Variants in ASTN2 observed in about 807,000 individuals in gnomAD.
The protein encoded by ASTN2 is astrotactin 2.
In ASTN2, 54 loss-of-function variants were observed where a neutral mutation model predicts 139.8. The ratio of observed to expected loss-of-function variants is 0.39; its 90% CI spans 0.31 to 0.48. The LOEUF is 0.48. Ranked by LOEUF, ASTN2 falls within the 20% of genes least tolerant of loss-of-function variation. The probability of loss-of-function intolerance (pLI) is 0.95; values close to 1 mark genes in which losing one functional copy is unlikely to be tolerated. For missense variants in ASTN2, 1,565 were observed against 1,725.1 expected, an observed-to-expected ratio of 0.91 and a Z score of 1.64; for synonymous variants, 756 against 719.5, an observed-to-expected ratio of 1.05 and a Z score of -0.81.
intron 2 of ASTN2, among the ~76,000 whole-genome samples, chr9:117,252,424 C>T (rs949438852): frequency 6.6e-6 from 1 of 152,260 alleles, no homozygotes; most frequent in African/African-American, 2.4e-5. Flanking sequence ...ACCAGTCCAC[C>T]AGGGGGTCTT....
At chr9:116,544,530 T>C (rs1408975994) in intron 19 of ASTN2, among the ~76,000 whole-genome samples, 1 of 152,196 alleles carries the variant, frequency 6.6e-6, no homozygotes, top group Non-Finnish European at 1.5e-5. Flanking sequence ...GAAAGGATGA[T>C]TTGGGTTCTT....
intron 19 of ASTN2, among the ~76,000 whole-genome samples, chr9:116,600,497 C>A (rs538727220): frequency 2.0e-5 from 3 of 152,142 alleles, no homozygotes; most frequent in Admixed American, 1.3e-4. Flanking sequence ...AAATTCAATT[C>A]TTGACTCCAC....
intron 10 of ASTN2, among the ~76,000 whole-genome samples, chr9:116,957,580 G>A (rs1835748876): frequency 6.6e-6 from 1 of 152,202 alleles, no homozygotes; most frequent in East Asian, 1.9e-4. Context: ...GCTTTTATAA[G>A]CTTGATGTTC....
chr9:116,764,487 A>C (rs1324348748), intron 13 of ASTN2, among the ~76,000 whole-genome samples: 2 of 151,956 alleles, frequency 1.3e-5, no homozygotes, highest in Admixed American at 6.6e-5. Context: ...TACCAAAGCC[A>C]CTCCTTAAAA....
chr9:116,920,294 T>C (rs1311917269), intron 10 of ASTN2, among the ~76,000 whole-genome samples: 1 of 152,182 alleles, frequency 6.6e-6, no homozygotes, highest in Non-Finnish European at 1.5e-5. Flanking sequence ...GGCTTTGCTC[T>C]ACATAGAGGC....
intron 1 of ASTN2, among the ~76,000 whole-genome samples, chr9:117,411,073 A>T (rs981027361): frequency 4.6e-5 from 7 of 152,136 alleles, no homozygotes; most frequent in African/African-American, 1.7e-4. Flanking sequence ...GCAGACCAGG[A>T]TTCCAGTTCC....
At chr9:116,693,647 A>G (rs1860686543) in intron 16 of ASTN2, among the ~76,000 whole-genome samples, 1 of 152,212 alleles carries the variant, frequency 6.6e-6, no homozygotes, top group South Asian at 2.1e-4. Context: ...AGTGCACAAC[A>G]GGAAACAGAC....
intron 13 of ASTN2, among the ~76,000 whole-genome samples, chr9:116,738,316 C>A (rs1323865581): frequency 6.6e-6 from 1 of 151,690 alleles, no homozygotes; most frequent in Non-Finnish European, 1.5e-5. Context: ...ACTTGGCCAA[C>A]ATGGTGAAAC....
chr9:117,298,152 A>T (rs942398784), intron 1 of ASTN2, among the ~76,000 whole-genome samples: 7 of 152,332 alleles, frequency 4.6e-5, no homozygotes, highest in South Asian at 2.1e-4. Context: ...AATAAAACCT[A>T]ATTTATTGAA....
chr9:116,493,873 T>C (rs1849593998), intron 19 of ASTN2, among the ~76,000 whole-genome samples: 1 of 152,072 alleles, frequency 6.6e-6, no homozygotes, highest in Non-Finnish European at 1.5e-5. Flanking sequence ...TCCACACTCT[T>C]TTCGGGAAAC....
At chr9:116,592,957 G>T (rs994174609) in intron 19 of ASTN2, among the ~76,000 whole-genome samples, 1 of 152,208 alleles carries the variant, frequency 6.6e-6, no homozygotes, top group Non-Finnish European at 1.5e-5. Context: ...GAATGTCATG[G>T]TCTAAAATTT....
At chr9:116,587,993 T>C (rs556164633) in intron 19 of ASTN2, among the ~76,000 whole-genome samples, 1 of 152,278 alleles carries the variant, frequency 6.6e-6, no homozygotes, top group South Asian at 2.1e-4. Context: ...AGGTTACCAG[T>C]ATTTTTTATT....
At chr9:116,656,921 C>A (rs1001274837) in intron 16 of ASTN2, among the ~76,000 whole-genome samples, 1 of 152,108 alleles carries the variant, frequency 6.6e-6, no homozygotes, top group African/African-American at 2.4e-5. Context: ...TAGGTTTGCA[C>A]TTGAAGCATT....
chr9:117,224,653 T>C (rs1588104807), intron 2 of ASTN2, among the ~76,000 whole-genome samples: 2 of 152,352 alleles, frequency 1.3e-5, no homozygotes, highest in South Asian at 4.1e-4. Context: ...TACATTCTTA[T>C]GACATCTTGC....
At chr9:117,038,237 A>G (rs1383810543) in intron 6 of ASTN2, among the ~76,000 whole-genome samples, 1 of 152,174 alleles carries the variant, frequency 6.6e-6, no homozygotes, top group Non-Finnish European at 1.5e-5. Flanking sequence ...AACGGAAATA[A>G]AATCAAATTT....
intron 17 of ASTN2, among the ~76,000 whole-genome samples, chr9:116,647,213 A>T (rs1286599837): frequency 1.3e-5 from 2 of 152,168 alleles, no homozygotes; most frequent in Non-Finnish European, 2.9e-5. Flanking sequence ...TATTAGTGTG[A>T]TTGTTTCATT....
intron 5 of ASTN2, among the ~76,000 whole-genome samples, chr9:117,070,803 G>A (rs891685528): frequency 1.1e-4 from 17 of 151,254 alleles, no homozygotes; most frequent in Admixed American, 2.0e-4. Context: ...TGATCGCATC[G>A]GCTCCTGAGG....
intron 6 of ASTN2, among the ~76,000 whole-genome samples, chr9:117,016,259 C>G (rs1316710287): frequency 6.6e-6 from 1 of 151,990 alleles, no homozygotes; most frequent in African/African-American, 2.4e-5. Flanking sequence ...AGAACATGGA[C>G]TTTGTGACTC....
chr9:116,868,813 G>A (rs1029091655), intron 10 of ASTN2, among the ~76,000 whole-genome samples: 1 of 152,186 alleles, frequency 6.6e-6, no homozygotes, highest in African/African-American at 2.4e-5. Flanking sequence ...TTCCTTGGCT[G>A]GCAGTTTCAG....
Sources: gnomAD v4.1 joint callset for allele counts (sites outside exome capture counted in the v4.1 genomes callset) on GRCh38, gnomAD v4.1.1 for gene constraint, MANE v1.5 for transcripts, NCBI Gene and HGNC (gene_info 2026-07-23, HGNC 2026-07-21) for gene names.